The following MTREX variants were observed in gnomAD, a reference collection of about 807,000 sequenced individuals.
MTREX encodes the protein Mtr4 exosome RNA helicase.
A neutral mutation model predicts 135.4 loss-of-function variants in MTREX; 76 were observed. That is an observed-to-expected ratio of 0.56 (90% CI 0.47 to 0.68). The LOEUF (loss-of-function observed/expected upper bound fraction) is 0.68, where lower values mean the gene tolerates loss of function less well. Ranked by LOEUF, MTREX falls within the 30% of genes least tolerant of loss-of-function variation. The pLI is 0.00. For missense variants in MTREX, 920 were observed against 1,262.1 expected (o/e 0.73, Z 4.11); for synonymous variants, 404 against 401.6 (o/e 1.01, Z -0.07).
rs1188201387 is a variant in MTREX, at chr5:55,344,569, C to T, written c.954C>T (p.His318=). 6.2e-7 allele frequency: 1 copy of T among 1,612,506 alleles called. No individual in the cohort carries two copies. Among genetic ancestry groups the T allele is most frequent in the Admixed American group, 1.7e-5 (1 of 59,924 alleles). The change falls in exon 9 of 27, where the codon CAC becomes CAT. Residue 318 remains histidine (H), a synonymous_variant. Coordinates refer to ENST00000230640, the MANE Select transcript of MTREX (RefSeq NM_015360.5). ...ATTATCGGCCCACTCCATTGCAACA[C>T]TACATTTTTCCAGCAGGGGGAGATG... is the stretch of plus-strand genomic sequence containing the variant. ...YTDYRPTPLQ[H]YIFPAGGDGL...
At chr5:55,340,727 G>A (rs549009387) in intron 6 of MTREX, among the ~76,000 whole-genome samples, 6 of 152,068 alleles carry the variant, frequency 3.9e-5, no homozygotes, top group Admixed American at 2.0e-4. Context: ...GACTACAGGC[G>A]CCCGCCACCA....
chr5:55,423,475 G>C (rs1002925007), intron 26 of MTREX: 1 of 154,294 alleles, frequency 6.5e-6, no homozygotes, highest in South Asian at 2.0e-4. Flanking sequence ...AGTGTGGCTG[G>C]AGCAGAATGG....
In MTREX at chr5:55,315,318, G is replaced by A. The variant is rs934698527; in HGVS notation, c.135-7009G>A. 3.3e-5 allele frequency among the ~76,000 whole-genome samples: 5 copies of A among 151,884 alleles called. No homozygotes were observed. The South Asian group carries it at 1.0e-3, about 32-fold the overall frequency. ...TTGCAAATATTTTCCCCAATGTTTT[G>A]TCATTCAGAAAAATTTTAATAAAGT... On this transcript the variant is annotated intron_variant, in intron 1 of 26. Coordinates refer to ENST00000230640, the MANE Select transcript of MTREX (RefSeq NM_015360.5).
intron 15 of MTREX, among the ~76,000 whole-genome samples, chr5:55,359,548 A>G (rs1166477775): frequency 9.9e-6 from 1 of 100,766 alleles, no homozygotes; most frequent in South Asian, 3.1e-4. Context: ...GTATATCTTT[A>G]TATGTCTTTA....
At position 55,342,537 on chromosome 5, in the gene MTREX, G is replaced by A. The variant is rs536338643; in HGVS notation, c.781+766G>A. On this transcript the variant is annotated intron_variant, in intron 7 of 26. Coordinates refer to ENST00000230640, the MANE Select transcript of MTREX (RefSeq NM_015360.5). ...AAATGCCCCTTACTTAGGCTGTTAC[G>A]CTCTCGTAATGAAAAAGTAAGTATG... is the stretch of plus-strand genomic sequence containing the variant. Among the ~76,000 whole-genome samples, 20 of 152,268 alleles carry A rather than the reference G, an allele frequency of 1.3e-4. No individual in the cohort carries two copies. In the South Asian group the frequency reaches 4.1e-3, roughly 32 times the overall value.
At position 55,424,745 on chromosome 5, in the gene MTREX, T is replaced by C. The variant is rs1315510483; in HGVS notation, c.3102T>C (p.Ile1034=). 26 of 1,612,420 alleles carry C rather than the reference T, an allele frequency of 1.6e-5. No individual in the cohort carries two copies. Among genetic ancestry groups the C allele is most frequent in the Non-Finnish European group, 2.1e-5 (25 of 1,178,596 alleles). Residue 1034 remains isoleucine (I), a synonymous_variant, in exon 27 of 27, where the codon ATT becomes ATC. Transcript: ENST00000230640. ...GAATCACCAAAATCAAGAGAGATAT[T>C]GTGTTTGCTGCCAGCCTCTACTTGT... is the stretch of plus-strand genomic sequence containing the variant. The part of the protein sequence containing the change: ...AEGITKIKRD[I]VFAASLYL
chr5:55,415,058 G>A (rs945209524), intron 24 of MTREX, among the ~76,000 whole-genome samples: 1 of 152,044 alleles, frequency 6.6e-6, no homozygotes, highest in African/African-American at 2.4e-5. Context: ...CATAGGATAA[G>A]CCGATTTTTT....
At chr5:55,319,488 G>T (rs1749252657) in intron 1 of MTREX, among the ~76,000 whole-genome samples, 2 of 152,138 alleles carry the variant, frequency 1.3e-5, no homozygotes, top group Admixed American at 1.3e-4. Flanking sequence ...GGGTTTGTTG[G>T]CCAATAAGTT....
rs1382827821 is a variant in MTREX, at chr5:55,349,576, A to G, written c.1244A>G (p.Glu415Gly). The change falls in exon 12 of 27, where the codon GAA (glutamate) becomes GGA (glycine). Residue 415 changes from glutamate to glycine, a missense_variant. Physicochemically the swap from Glu to Gly is moderately conservative, Grantham distance 98 (BLOSUM62 -2). Coordinates refer to ENST00000230640, the MANE Select transcript of MTREX (RefSeq NM_015360.5). ...QMTKLDFNTDEEKKMVEEVFS... is the reference protein window; with the variant it reads ...QMTKLDFNTDGEKKMVEEVFS... ...GTACCCTTGAATTTTCTCCTAGATG[A>G]AGAAAAGAAGATGGTTGAAGAAGTA... 6.4e-7 allele frequency: 1 copy of G among 1,558,698 alleles called. No individual in the cohort carries two copies. Among genetic ancestry groups the G allele is most frequent in the Non-Finnish European group, 8.8e-7 (1 of 1,131,260 alleles).
chr5:55,400,189 AT>A, intron 20 of MTREX, 43 bp from the exon 21 acceptor site: 1 of 1,451,804 alleles, frequency 6.9e-7, no homozygotes, highest in Non-Finnish European at 9.3e-7. Context: ...GGTCTTACTA[AT>A]TTTGACTATA....
At chr5:55,352,960 C>T (rs913209295) in intron 13 of MTREX, among the ~76,000 whole-genome samples, 1 of 152,104 alleles carries the variant, frequency 6.6e-6, no homozygotes, top group African/African-American at 2.4e-5. Flanking sequence ...CCCTTAATTA[C>T]CAAACTTCTG....
At position 55,343,837 on chromosome 5, in the gene MTREX, A is replaced by G. The variant is rs1749689615; in HGVS notation, c.906+382A>G. Reference sequence around the variant, plus strand: ...GCCAGGAAAAGCTGGGCATCTCTGGAGCATTTGATTTGATTTTTCTCATGT... The same window carrying G: ...GCCAGGAAAAGCTGGGCATCTCTGGGGCATTTGATTTGATTTTTCTCATGT... On this transcript the variant is annotated intron_variant, in intron 8 of 26. Coordinates refer to ENST00000230640, the MANE Select transcript of MTREX (RefSeq NM_015360.5). Among the ~76,000 whole-genome samples the G allele has an allele frequency of 2.0e-5, 3 of 152,138 alleles. No individual in the cohort carries two copies. In the East Asian group the frequency reaches 5.8e-4, roughly 29 times the overall value.
chr5:55,318,521 A>G (rs1016793321), intron 1 of MTREX, among the ~76,000 whole-genome samples: 1 of 152,256 alleles, frequency 6.6e-6, no homozygotes, highest in African/African-American at 2.4e-5. Flanking sequence ...ATGCAGGAAC[A>G]GAAAACCAAA....
At position 55,425,505 on chromosome 5, in the gene MTREX, A is replaced by G. The variant is rs1751159114; in HGVS notation, c.*733A>G. ...ACTGGGATTTTTTAAAGATTATTCC[A>G]AATTAAGAGTTGCTTTGTTATGCCT... On this transcript the variant is annotated 3_prime_UTR_variant, in exon 27 of 27. Coordinates refer to ENST00000230640, the MANE Select transcript of MTREX (RefSeq NM_015360.5). 1.7e-6 allele frequency: 1 copy of G among 602,496 alleles called. No homozygotes were observed. The highest frequency in any genetic ancestry group is 1.9e-5 in the African/African-American group (1 of 52,192). The allele number at this position is 602,496 out of a possible 1,614,324, so 37.3% of individuals were successfully genotyped here.
intron 18 of MTREX, among the ~76,000 whole-genome samples, chr5:55,384,162 A>G (rs1233225574): frequency 1.3e-5 from 2 of 151,970 alleles, no homozygotes; most frequent in Non-Finnish European, 2.9e-5. Flanking sequence ...GGTGTCCTAT[A>G]TTTCTCTGAG....
At chr5:55,414,290 T>C in intron 24 of MTREX, 52 bp downstream of exon 24, 1 of 1,349,756 alleles carries the variant, frequency 7.4e-7, no homozygotes, top group Non-Finnish European at 1.0e-6. Flanking sequence ...AATAGTAGAT[T>C]GTAAAATAAA....
Position 55,311,225 on chromosome 5 carries a change from T to A in MTREX, c.134+3078T>A, listed in dbSNP as rs556557113. Among the ~76,000 whole-genome samples the A allele has an allele frequency of 7.9e-5, 12 of 152,316 alleles. No individual in the cohort carries two copies. In the South Asian group the frequency reaches 2.1e-3, roughly 26 times the overall value. The stretch of plus-strand genomic sequence containing the variant: ...AGTCTATTCCTACATCTTTTTTTTT[T>A]AATCAAATGCAAGTTGTTTTTTCTC... On this transcript the variant is annotated intron_variant, in intron 1 of 26. Transcript: ENST00000230640.
At chr5:55,394,143 C>T (rs1750608920) in intron 19 of MTREX, among the ~76,000 whole-genome samples, 1 of 152,216 alleles carries the variant, frequency 6.6e-6, no homozygotes, top group African/African-American at 2.4e-5. Context: ...ATATTGAATT[C>T]GACTACAGGT....
At chr5:55,318,700 A>T (rs1291820619) in intron 1 of MTREX, among the ~76,000 whole-genome samples, 1 of 152,152 alleles carries the variant, frequency 6.6e-6, no homozygotes, top group African/African-American at 2.4e-5. Context: ...AATAATATGT[A>T]CAACAAACCC....
Sources: allele counts gnomAD v4.1 joint callset (sites outside exome capture counted in the v4.1 genomes callset), GRCh38; gene constraint gnomAD v4.1.1; transcripts MANE v1.5; gene names NCBI Gene and HGNC (gene_info 2026-07-23, HGNC 2026-07-21).